RPS6KC1: variants seen among roughly 807,000 people sequenced by gnomAD.
The protein encoded by RPS6KC1 is ribosomal protein S6 kinase C1, also known as inactive ribosomal protein S6 kinase delta-1.
Under a neutral mutation model 103.8 loss-of-function variants are expected in RPS6KC1, and 54 were observed. That is an observed-to-expected ratio of 0.52 (90% CI 0.42 to 0.65). The LOEUF (loss-of-function observed/expected upper bound fraction) is 0.65. Ranked by LOEUF, RPS6KC1 falls within the 30% of genes least tolerant of loss-of-function variation. The probability of loss-of-function intolerance (pLI) is 0.00; values close to 1 mark genes in which losing one functional copy is unlikely to be tolerated. For synonymous variants in RPS6KC1, 439 were observed against 438.7 expected, an observed-to-expected ratio of 1.00 and a Z score of -0.01; for missense variants, 1,151 against 1,253.8, an observed-to-expected ratio of 0.92 and a Z score of 1.24.
At chr1:213,152,973 T>G (rs1172553657) in intron 6 of RPS6KC1, among the ~76,000 whole-genome samples, 1 of 152,216 alleles carries the variant, frequency 6.6e-6, no homozygotes, top group Admixed American at 6.5e-5. Context: ...TGAACGAGAC[T>G]CCATCTGCAA....
chr1:213,417,182 G>A, the RPS6KC1 span, among the ~76,000 whole-genome samples: 19 of 151,962 alleles, frequency 1.3e-4, no homozygotes, highest in African/African-American at 4.1e-4. Flanking sequence ...TTCATTCGCC[G>A]GGCCCCAACC....
At chr1:213,549,611 CCTTTTTTT>C in the RPS6KC1 span, among the ~76,000 whole-genome samples, 2 of 105,586 alleles carry the variant, frequency 1.9e-5, no homozygotes, top group South Asian at 3.5e-4. Context: ...TTTTTCTTTT[CCTTTTTTT>C]TTTTTTTTTT....
the RPS6KC1 span, among the ~76,000 whole-genome samples, chr1:213,281,635 G>C: frequency 6.6e-6 from 1 of 152,224 alleles, no homozygotes; most frequent in African/African-American, 2.4e-5. Context: ...CCAGAGAGCA[G>C]GGAGCGACAG....
chr1:213,641,627 A>C, the RPS6KC1 span, among the ~76,000 whole-genome samples: 1 of 151,990 alleles, frequency 6.6e-6, no homozygotes, highest in African/African-American at 2.4e-5. Context: ...AAATCCAAGC[A>C]TGTGTGGGTT....
chr1:213,203,125 T>C (rs2093226283), intron 8 of RPS6KC1, among the ~76,000 whole-genome samples: 1 of 152,170 alleles, frequency 6.6e-6, no homozygotes, highest in African/African-American at 2.4e-5. Flanking sequence ...TTGAGTTTCC[T>C]TTATCTGAGA....
At chr1:213,251,627 A>G (rs1342940359) in intron 12 of RPS6KC1, among the ~76,000 whole-genome samples, 7 of 152,154 alleles carry the variant, frequency 4.6e-5, no homozygotes, top group Non-Finnish European at 1.0e-4. Flanking sequence ...TATGCTTTAG[A>G]TAATGTTTTA....
At chr1:213,068,769 T>C (rs1404375890) in intron 1 of RPS6KC1, among the ~76,000 whole-genome samples, 1 of 150,346 alleles carries the variant, frequency 6.7e-6, no homozygotes, top group Non-Finnish European at 1.5e-5. Flanking sequence ...CCTAGCACTG[T>C]GGGAGGCTGA....
At chr1:213,688,495 C>G in the RPS6KC1 span, among the ~76,000 whole-genome samples, 47 of 152,294 alleles carry the variant, frequency 3.1e-4, 1 homozygote, top group African/African-American at 1.1e-3. Flanking sequence ...TTTTACCTCT[C>G]CAGGTAGGGA....
the RPS6KC1 span, among the ~76,000 whole-genome samples, chr1:213,828,749 C>T: frequency 6.6e-6 from 1 of 152,270 alleles, no homozygotes; most frequent in South Asian, 2.1e-4. Context: ...CCCGAAGTCA[C>T]AGAGCTCATA....
chr1:213,188,865 C>A, intron 8 of RPS6KC1, among the ~76,000 whole-genome samples: 1 of 150,872 alleles, frequency 6.6e-6, no homozygotes, highest in African/African-American at 2.4e-5. Context: ...AATATAGACC[C>A]GATTATTCTA....
chr1:213,193,705 G>T (rs971025409), intron 8 of RPS6KC1, among the ~76,000 whole-genome samples: 7 of 151,948 alleles, frequency 4.6e-5, no homozygotes, highest in African/African-American at 1.7e-4. Context: ...GCAAGATCTC[G>T]GCTTACTGCA....
At chr1:213,508,393 C>G in the RPS6KC1 span, among the ~76,000 whole-genome samples, 2 of 152,104 alleles carry the variant, frequency 1.3e-5, no homozygotes, top group African/African-American at 4.8e-5. Flanking sequence ...AATTTGGCCC[C>G]CAGAAAGAGC....
At chr1:213,267,263 C>G (rs568788164) in intron 14 of RPS6KC1, among the ~76,000 whole-genome samples, 37 of 151,706 alleles carry the variant, frequency 2.4e-4, no homozygotes, top group African/African-American at 8.5e-4. Flanking sequence ...TATACAGACA[C>G]AGGGGTGACC....
At chr1:213,852,295 T>C in the RPS6KC1 span, among the ~76,000 whole-genome samples, 1 of 152,180 alleles carries the variant, frequency 6.6e-6, no homozygotes, top group Non-Finnish European at 1.5e-5. Flanking sequence ...TCTGCCCACA[T>C]CCTGTGTTCT....
chr1:213,363,662 C>CT, the RPS6KC1 span, among the ~76,000 whole-genome samples: 1 of 96,466 alleles, frequency 1.0e-5, no homozygotes. Context: ...TTCTTTCTTT[C>CT]TTTCTTTCTT....
the RPS6KC1 span, among the ~76,000 whole-genome samples, chr1:213,355,298 A>G: frequency 6.6e-6 from 1 of 152,060 alleles, no homozygotes; most frequent in Admixed American, 6.5e-5. Flanking sequence ...GGCTGGTGGA[A>G]GAAGGCTGGC....
the RPS6KC1 span, among the ~76,000 whole-genome samples, chr1:213,611,539 G>A: frequency 1.3e-5 from 2 of 152,136 alleles, no homozygotes; most frequent in African/African-American, 2.4e-5. Flanking sequence ...ATGACAATAG[G>A]TGTTATCCAG....
At chr1:213,716,442 A>C in the RPS6KC1 span, among the ~76,000 whole-genome samples, 1 of 152,196 alleles carries the variant, frequency 6.6e-6, no homozygotes, top group Non-Finnish European at 1.5e-5. Context: ...TCCTCTTGGT[A>C]TTCTTGGGAG....
the RPS6KC1 span, among the ~76,000 whole-genome samples, chr1:213,586,564 A>C: frequency 6.6e-6 from 1 of 152,248 alleles, no homozygotes; most frequent in African/African-American, 2.4e-5. Context: ...TGCAATTTTT[A>C]GCTGATACTT....
Sources: allele counts gnomAD v4.1 joint callset (sites outside exome capture counted in the v4.1 genomes callset), GRCh38; gene constraint gnomAD v4.1.1; transcripts MANE v1.5; gene names NCBI Gene and HGNC (gene_info 2026-07-23, HGNC 2026-07-21).